PLOD2: variants seen among roughly 807,000 people sequenced by gnomAD.
PLOD2 encodes procollagen-lysine,2-oxoglutarate 5-dioxygenase 2, also known as lysine hydroxylase 2.
A neutral mutation model predicts 101.0 loss-of-function variants in PLOD2; 65 were observed. The ratio of observed to expected loss-of-function variants is 0.64; its 90% CI spans 0.53 to 0.79. PLOD2 has a LOEUF of 0.79. Among genes scored for constraint, PLOD2 ranks in the 30% least tolerant of loss-of-function variants. PLOD2 has a pLI of 0.00. For synonymous variants in PLOD2, 314 were observed against 302.9 expected (o/e 1.04, Z -0.38); for missense variants, 909 against 914.6 (o/e 0.99, Z 0.08).
intron 1 of PLOD2, among the ~76,000 whole-genome samples, chr3:146,155,956 C>G (rs73148991): frequency 0.32 from 48,995 of 151,938 alleles, 8,181 homozygotes; most frequent in South Asian, 0.41. Flanking sequence ...AAATTCATAA[C>G]CAGGTTTCTA....
rs1326961441 is a variant in PLOD2, at chr3:146,088,610, T to A, written c.981A>T (p.Ala327=). Residue 327 remains alanine, a synonymous_variant, in exon 9 of 20, where the codon GCA becomes GCT. Coordinates refer to ENST00000282903, the MANE Select transcript of PLOD2 (RefSeq NM_182943.3). ...ILLTLDYPKE[A]LKLFIHNKEV... ...CTTTGTTATGAATAAAAAGTTTAAGTGCTTCTTTTGGGTAATCCAGTGTCA... is the reference window on the plus strand; with the variant it reads ...CTTTGTTATGAATAAAAAGTTTAAGAGCTTCTTTTGGGTAATCCAGTGTCA... 2 of 1,582,410 alleles carry A rather than the reference T, an allele frequency of 1.3e-6. No homozygotes were observed. The highest frequency in any genetic ancestry group is 2.2e-5 in the South Asian group (2 of 90,226).
At chr3:146,120,727 G>C (rs944135524) in intron 3 of PLOD2, among the ~76,000 whole-genome samples, 5 of 152,074 alleles carry the variant, frequency 3.3e-5, no homozygotes, top group African/African-American at 1.2e-4. Flanking sequence ...ATAATTCCTT[G>C]TCAATAATTT....
intron 1 of PLOD2, among the ~76,000 whole-genome samples, chr3:146,133,431 A>G (rs2031043709): frequency 6.6e-6 from 1 of 152,190 alleles, no homozygotes; most frequent in African/African-American, 2.4e-5. Context: ...AAAACACTTT[A>G]CTTAGAACTG....
At chr3:146,083,013 C>T (rs1218226654) in intron 11 of PLOD2, among the ~76,000 whole-genome samples, 1 of 152,088 alleles carries the variant, frequency 6.6e-6, no homozygotes, top group African/African-American at 2.4e-5. Flanking sequence ...GTTTTGAATA[C>T]CTACAATACT....
intron 1 of PLOD2, among the ~76,000 whole-genome samples, chr3:146,135,891 CA>C (rs200708499): frequency 0.017 from 2,470 of 143,216 alleles, 58 homozygotes; most frequent in African/African-American, 0.055. Context: ...CACTGCTGTC[CA>C]AAAAAAAAAA....
intron 16 of PLOD2, 88 bp downstream of exon 16, chr3:146,073,199 T>C: frequency 1.7e-6 from 1 of 587,110 alleles, no homozygotes; most frequent in East Asian, 3.0e-5. Context: ...TTCTCCACTT[T>C]CACATCTTCT....
intron 1 of PLOD2, among the ~76,000 whole-genome samples, chr3:146,135,487 C>T (rs1319132433): frequency 6.6e-6 from 1 of 151,870 alleles, no homozygotes; most frequent in African/African-American, 2.4e-5. Context: ...GGAGTATATC[C>T]CAGAAAATAC....
At chr3:146,152,427 A>G (rs935529792) in intron 1 of PLOD2, among the ~76,000 whole-genome samples, 2 of 152,212 alleles carry the variant, frequency 1.3e-5, no homozygotes, top group African/African-American at 4.8e-5. Flanking sequence ...CTCAAAAAAA[A>G]AAAATTCTAT....
intron 1 of PLOD2, among the ~76,000 whole-genome samples, chr3:146,156,927 T>A (rs2032325347): frequency 6.6e-6 from 1 of 152,150 alleles, no homozygotes; most frequent in African/African-American, 2.4e-5. Flanking sequence ...ATAAAAAAAA[T>A]TATGGCACCC....
chr3:146,096,536 G>A (rs1412966343), intron 7 of PLOD2, among the ~76,000 whole-genome samples: 11 of 91,802 alleles, frequency 1.2e-4, no homozygotes, highest in Admixed American at 8.8e-4. Context: ...CTGCCCCACC[G>A]CCCTGTCTGG....
Position 146,133,734 on chromosome 3 carries a change from A to G in PLOD2, c.110-9505T>C, listed in dbSNP as rs115608977. 4.5e-3 allele frequency among the ~76,000 whole-genome samples: 687 copies of G among 152,290 alleles called. 9 individuals are homozygous for G. The highest frequency in any genetic ancestry group is 0.016 in the African/African-American group (662 of 41,564). On this transcript the variant is annotated intron_variant, in intron 1 of 19. Transcript: ENST00000282903. ...AATTCAAACAGCAAAGAATGATCAC[A>G]CAGGGCGGGGAGGAGGTTCAATCAG...
intron 2 of PLOD2, 136 bp downstream of exon 2, chr3:146,124,002 A>G: frequency 1.6e-6 from 1 of 641,928 alleles, no homozygotes; most frequent in Non-Finnish European, 2.8e-6. Context: ...ATAAAGCCAA[A>G]AACTACATGA....
chr3:146,145,166 C>A (rs1269607851), intron 1 of PLOD2, among the ~76,000 whole-genome samples: 1 of 152,218 alleles, frequency 6.6e-6, no homozygotes, highest in African/African-American at 2.4e-5. Flanking sequence ...AGGCATATCA[C>A]CAAAACAAAT....
chr3:146,102,664 GAAATTTTTA>G (rs1937429812), intron 7 of PLOD2, 82 bp downstream of exon 7: 1 of 717,732 alleles, frequency 1.4e-6, no homozygotes, highest in Middle Eastern at 3.2e-4. Flanking sequence ...GTCTTTGAAA[GAAATTTTTA>G]AAAATAAAAT....
Position 146,073,352 on chromosome 3 carries a change from C to T in PLOD2, c.1678G>A (p.Asp560Asn). 1 of 1,129,636 alleles carries T rather than the reference C, an allele frequency of 8.9e-7. No individual in the cohort carries two copies. The highest frequency in any genetic ancestry group is 1.3e-6 in the Non-Finnish European group (1 of 769,636). 70.0% of individuals were successfully genotyped at this position (1,129,636 alleles called of 1,614,324 possible). A position where few individuals can be genotyped will look rare whatever the true frequency, so the allele number is the denominator to read the frequency against. ...CGGTTTATATACTTTTCCTTCCAGTCCTATAAAAAGAAGTACATATTAAAA... is the reference window on the plus strand; with the variant it reads ...CGGTTTATATACTTTTCCTTCCAGTTCTATAAAAAGAAGTACATATTAAAA... ...DLWQIFENPV[D>N]WKEKYINRDY... Residue 560 changes from aspartate (D) to asparagine (N), a missense_variant and splice_region_variant, in exon 16 of 20, where the codon GAC becomes AAC. Physicochemically the swap from Asp to Asn is conservative, Grantham distance 23 (BLOSUM62 1). Transcript: ENST00000282903.
chr3:146,136,598 A>C (rs2031245204), intron 1 of PLOD2, among the ~76,000 whole-genome samples: 1 of 152,208 alleles, frequency 6.6e-6, no homozygotes, highest in Admixed American at 6.5e-5. Context: ...TGAGCCACAT[A>C]TACAACACTG....
chr3:146,106,613 A>G lies in PLOD2; in HGVS notation c.534T>C (p.Arg178=), dbSNP rs753783451. 8.8e-6 allele frequency: 14 copies of G among 1,587,170 alleles called. No homozygotes were observed. The highest frequency in any genetic ancestry group is 1.1e-5 in the Non-Finnish European group (13 of 1,155,512). Residue 178 remains arginine, a synonymous_variant, in exon 5 of 20, where the codon CGT becomes CGC. Transcript: ENST00000282903. The part of the protein sequence containing the change: ...GFIGYAPYVN[R]IVQQWNLQDN... ...CCTGGAGATTCCATTGTTGAACTAT[A>G]CGGTTGACATATGGAGCATAGCCAA...
At chr3:146,157,920 T>C (rs1244870367) in intron 1 of PLOD2, among the ~76,000 whole-genome samples, 2 of 152,212 alleles carry the variant, frequency 1.3e-5, no homozygotes, top group Non-Finnish European at 2.9e-5. Flanking sequence ...AAACCTTTCC[T>C]TTTTTCCTTG....
intron 1 of PLOD2, among the ~76,000 whole-genome samples, chr3:146,151,899 G>A (rs768083409): frequency 4.6e-5 from 7 of 151,988 alleles, no homozygotes; most frequent in Non-Finnish European, 1.0e-4. Flanking sequence ...AAATTTCACA[G>A]TATTACACAA....
Sources: gnomAD v4.1 joint callset for allele counts (sites outside exome capture counted in the v4.1 genomes callset) on GRCh38, gnomAD v4.1.1 for gene constraint, MANE v1.5 for transcripts, NCBI Gene and HGNC (gene_info 2026-07-23, HGNC 2026-07-21) for gene names.